The following CTNNA2 variants were observed in gnomAD, a reference collection of about 807,000 sequenced individuals.
The protein encoded by CTNNA2 is catenin alpha-2.
Under a neutral mutation model 101.0 loss-of-function variants are expected in CTNNA2, and 42 were observed. The observed-to-expected ratio is 0.42, with a 90% CI of 0.32 to 0.54. The LOEUF (loss-of-function observed/expected upper bound fraction) is 0.54, where lower values mean the gene tolerates loss of function less well. Among genes scored for constraint, CTNNA2 ranks in the 20% least tolerant of loss-of-function variants. The probability of loss-of-function intolerance (pLI) is 0.14; values close to 1 mark genes in which losing one functional copy is unlikely to be tolerated. For synonymous variants in CTNNA2, 450 were observed against 456.4 expected (o/e 0.99, Z 0.18); for missense variants, 871 against 1,223.1 (o/e 0.71, Z 4.29).
intron 9 of CTNNA2, among the ~76,000 whole-genome samples, chr2:80,534,329 G>A (rs1045010834): frequency 5.3e-5 from 8 of 152,172 alleles, no homozygotes; most frequent in South Asian, 2.1e-4. Flanking sequence ...ATTAGCTGGT[G>A]TATGCTAATT....
intron 7 of CTNNA2, among the ~76,000 whole-genome samples, chr2:80,035,689 A>G (rs573707560): frequency 1.6e-4 from 24 of 152,336 alleles, no homozygotes; most frequent in African/African-American, 5.8e-4. Context: ...AAAAATAAAA[A>G]AAAGAAGGAA....
intron 18 of CTNNA2, among the ~76,000 whole-genome samples, chr2:80,643,039 G>C (rs1389462237): frequency 6.6e-6 from 1 of 152,126 alleles, no homozygotes; most frequent in African/African-American, 2.4e-5. Flanking sequence ...GACTGTAATA[G>C]CACAAGATGG....
At chr2:80,207,900 G>A (rs529764661) in intron 7 of CTNNA2, among the ~76,000 whole-genome samples, 65 of 152,150 alleles carry the variant, frequency 4.3e-4, no homozygotes, top group Non-Finnish European at 8.4e-4. Context: ...AGGAAACTGA[G>A]AAAGAATAGT....
intron 7 of CTNNA2, among the ~76,000 whole-genome samples, chr2:80,313,890 G>T (rs1381398902): frequency 6.6e-6 from 1 of 152,200 alleles, no homozygotes; most frequent in Non-Finnish European, 1.5e-5. Flanking sequence ...GGGCAGGGCA[G>T]CAGGTGCAAT....
intron 2 of CTNNA2, among the ~76,000 whole-genome samples, chr2:79,257,749 G>A (rs1431294241): frequency 6.6e-6 from 1 of 151,788 alleles, no homozygotes; most frequent in Non-Finnish European, 1.5e-5. Flanking sequence ...GGAGGCTCTT[G>A]TATGATGGCT....
chr2:80,206,036 T>C (rs987627647), intron 7 of CTNNA2, among the ~76,000 whole-genome samples: 11 of 152,214 alleles, frequency 7.2e-5, no homozygotes, highest in Non-Finnish European at 1.2e-4. Context: ...TTTCTTGTCA[T>C]GGTAATCCAT....
chr2:79,410,059 A>G (rs948608257), intron 4 of CTNNA2, among the ~76,000 whole-genome samples: 1 of 149,430 alleles, frequency 6.7e-6, no homozygotes, highest in African/African-American at 2.5e-5. Flanking sequence ...TTCTCTTTGA[A>G]GCAATTGTGA....
intron 1 of CTNNA2, among the ~76,000 whole-genome samples, chr2:79,545,858 A>C (rs140019728): frequency 6.6e-6 from 1 of 152,346 alleles, no homozygotes; most frequent in African/African-American, 2.4e-5. Flanking sequence ...AAATATAACT[A>C]GTAATTATAA....
At position 80,302,440 on chromosome 2, in the gene CTNNA2, G is replaced by T; in HGVS notation, c.1057-90771G>T. On this transcript the variant is annotated intron_variant, in intron 7 of 18. Coordinates refer to ENST00000402739, the MANE Select transcript of CTNNA2 (RefSeq NM_001282597.3). The surrounding 1 kb of genome is among the most constrained non-coding windows in gnomAD (Gnocchi z 6.4). ...TGCGCTGCGTGACAAAGCACTGTCT[G>T]AGCTGCCTGAGGCTGGCTGGGAAAC... 6.2e-7 allele frequency: 1 copy of T among 1,614,252 alleles called. No individual in the cohort carries two copies. Among genetic ancestry groups the T allele is most frequent in the Non-Finnish European group, 8.5e-7 (1 of 1,180,046 alleles).
At chr2:79,747,571 T>G (rs1671728274) in intron 3 of CTNNA2, among the ~76,000 whole-genome samples, 1 of 152,244 alleles carries the variant, frequency 6.6e-6, no homozygotes, top group African/African-American at 2.4e-5. Context: ...CCAAAACCTC[T>G]TAAGAATTCT....
At chr2:80,462,471 T>A (rs1300320614) in intron 9 of CTNNA2, among the ~76,000 whole-genome samples, 9 of 152,116 alleles carry the variant, frequency 5.9e-5, no homozygotes, top group African/African-American at 1.9e-4. Flanking sequence ...GAGTTATATC[T>A]GTTGTAGGCA....
intron 1 of CTNNA2, among the ~76,000 whole-genome samples, chr2:79,533,451 T>A (rs1389997513): frequency 6.6e-6 from 1 of 152,172 alleles, no homozygotes; most frequent in East Asian, 1.9e-4. Flanking sequence ...TTTGGAAATA[T>A]CAATTTTACA....
intron 17 of CTNNA2, among the ~76,000 whole-genome samples, chr2:80,609,826 A>G (rs1698314332): frequency 6.6e-6 from 1 of 151,606 alleles, no homozygotes; most frequent in African/African-American, 2.4e-5. Context: ...CATCTGGGCA[A>G]TTTTTACTAG....
At chr2:79,938,460 T>C (rs1388044932) in intron 7 of CTNNA2, among the ~76,000 whole-genome samples, 1 of 152,166 alleles carries the variant, frequency 6.6e-6, no homozygotes, top group Non-Finnish European at 1.5e-5. Context: ...CTTTCCTGTA[T>C]GTGTGTGTGT....
chr2:80,207,764 T>A (rs115941586), intron 7 of CTNNA2, among the ~76,000 whole-genome samples: 2 of 152,254 alleles, frequency 1.3e-5, no homozygotes, highest in Non-Finnish European at 2.9e-5. Context: ...GCACACCATA[T>A]ATAAATAAGG....
At position 79,563,188 on chromosome 2, in the gene CTNNA2, T is replaced by TATATATATATATATATA. The variant is rs1491331448; in HGVS notation, c.-6+49981_-6+49982insATATATATATATATATA. ...ATATATATATATATATATATATATATTTTCCTTCATTCTCTCAGTACTATT... is the reference window on the plus strand; with the variant it reads ...ATATATATATATATATATATATATATATATATATATATATATATTTCCTTCATTCTCTCAGTACTATT... On this transcript the variant is annotated intron_variant, in intron 1 of 18. Transcript: ENST00000402739. Among the ~76,000 whole-genome samples the TATATATATATATATATA allele has an allele frequency of 5.9e-4, 25 of 42,308 alleles. 1 individual carries two copies. Among genetic ancestry groups the TATATATATATATATATA allele is most frequent in the East Asian group, 9.9e-4 (2 of 2,012 alleles). The allele number at this position is 42,308 out of a possible 152,430, so 27.8% of individuals were successfully genotyped here.
intron 4 of CTNNA2, among the ~76,000 whole-genome samples, chr2:79,475,025 A>G (rs1469978680): frequency 2.0e-5 from 3 of 152,174 alleles, no homozygotes; most frequent in Admixed American, 6.5e-5. Context: ...TGTTTTTCCA[A>G]TGAGTATAAA....
chr2:79,560,079 A>G (rs1674683540), intron 1 of CTNNA2, among the ~76,000 whole-genome samples: 2 of 132,314 alleles, frequency 1.5e-5, no homozygotes, highest in African/African-American at 5.4e-5. Flanking sequence ...CAGGGAAGAA[A>G]CGTCAGCTAC....
At chr2:79,330,303 A>C (rs559601112) in intron 3 of CTNNA2, among the ~76,000 whole-genome samples, 1 of 152,336 alleles carries the variant, frequency 6.6e-6, no homozygotes, top group Non-Finnish European at 1.5e-5. Flanking sequence ...CAGAAAGTGA[A>C]CAAAGCAAGT....
Sources: allele counts gnomAD v4.1 joint callset (sites outside exome capture counted in the v4.1 genomes callset), GRCh38; gene constraint gnomAD v4.1.1; non-coding constraint Gnocchi (gnomAD v3.1); transcripts MANE v1.5; gene names NCBI Gene and HGNC (gene_info 2026-07-23, HGNC 2026-07-21).